Variants in DACH1 observed in about 807,000 individuals in gnomAD.
DACH1 encodes the protein dachshund homolog 1.
In DACH1, 12 loss-of-function variants were observed where a neutral mutation model predicts 54.2. That is an observed-to-expected ratio of 0.22 (90% CI 0.14 to 0.36). The LOEUF (loss-of-function observed/expected upper bound fraction) is 0.36. Ranked by LOEUF, DACH1 falls within the 10% of genes least tolerant of loss-of-function variation. DACH1 has a pLI of 1.00. For synonymous variants in DACH1, 386 were observed against 366.2 expected (o/e 1.05, Z -0.62); for missense variants, 805 against 929.8 (o/e 0.87, Z 1.75).
intron 10 of DACH1, among the ~76,000 whole-genome samples, chr13:71,444,689 C>T (rs549150126): frequency 2.6e-5 from 4 of 152,116 alleles, no homozygotes; most frequent in African/African-American, 4.8e-5. Flanking sequence ...TGGATTTATA[C>T]AAATTATCTT....
In DACH1 at chr13:71,614,848, T is replaced by C. The variant is rs1217906298; in HGVS notation, c.1126+15708A>G. The stretch of plus-strand genomic sequence containing the variant: ...CAGCCTGGGTGACAAACTAAAACTC[T>C]ATCTCAAAAAAAAAAAAAAAAAAAA... On this transcript the variant is annotated intron_variant, in intron 3 of 10. Transcript: ENST00000613252. 2.4e-3 allele frequency among the ~76,000 whole-genome samples: 276 copies of C among 116,708 alleles called. 1 individual carries two copies. The highest frequency in any genetic ancestry group is 3.6e-3 in the Non-Finnish European group (216 of 59,490). 76.6% of individuals were successfully genotyped at this position (116,708 alleles called of 152,430 possible). A position where few individuals can be genotyped will look rare whatever the true frequency, so the allele number is the denominator to read the frequency against.
chr13:71,783,759 G>A (rs1886476031), intron 1 of DACH1, among the ~76,000 whole-genome samples: 1 of 151,594 alleles, frequency 6.6e-6, no homozygotes, highest in Admixed American at 6.6e-5. Flanking sequence ...GTTTCACAGA[G>A]AAAGTGTCAC....
At chr13:71,756,026 C>CT (rs962031384) in intron 1 of DACH1, among the ~76,000 whole-genome samples, 10 of 151,428 alleles carry the variant, frequency 6.6e-5, no homozygotes, top group Admixed American at 2.0e-4. Flanking sequence ...AAACTAAAGA[C>CT]TTTTTTATTT....
At chr13:71,606,046 T>A (rs1171893140) in intron 3 of DACH1, among the ~76,000 whole-genome samples, 1 of 152,054 alleles carries the variant, frequency 6.6e-6, no homozygotes, top group Non-Finnish European at 1.5e-5. Context: ...GTGTTTCAAA[T>A]TGGCACTCAC....
In DACH1 at chr13:71,557,038, A is replaced by G. The variant is rs191401952; in HGVS notation, c.1556T>C (p.Met519Thr). 23 of 1,599,754 alleles carry G rather than the reference A, an allele frequency of 1.4e-5. No individual in the cohort carries two copies. The highest frequency in any genetic ancestry group is 4.5e-5 in the East Asian group (2 of 43,970). ...TCATACATTACCTTTTTCAATATGCATCCTTTTTGACTCATGTCCCATGTC... is the reference window on the plus strand; with the variant it reads ...TCATACATTACCTTTTTCAATATGCGTCCTTTTTGACTCATGTCCCATGTC... ...GHDMGHESKR[M>T]HIEKDETPLS... The change falls in exon 6 of 11, where the codon ATG becomes ACG. Residue 519 changes from methionine to threonine, a missense_variant. Physicochemically the swap from Met to Thr is moderately conservative, Grantham distance 81. Coordinates refer to ENST00000613252, the MANE Select transcript of DACH1 (RefSeq NM_080759.6).
chr13:71,442,736 A>T (rs1160706959), intron 10 of DACH1, among the ~76,000 whole-genome samples: 1 of 152,144 alleles, frequency 6.6e-6, no homozygotes, highest in South Asian at 2.1e-4. Context: ...TAATTTATAA[A>T]TTAGGCACAG....
At chr13:71,765,264 T>C (rs1885572059) in intron 1 of DACH1, among the ~76,000 whole-genome samples, 1 of 152,220 alleles carries the variant, frequency 6.6e-6, no homozygotes, top group South Asian at 2.1e-4. Context: ...ACCTGTTCCA[T>C]CTATCCTTGC....
chr13:71,799,935 T>A (rs1887222550), intron 1 of DACH1, among the ~76,000 whole-genome samples: 2 of 152,080 alleles, frequency 1.3e-5, no homozygotes, highest in African/African-American at 4.8e-5. Context: ...TAGTGATCAG[T>A]TTATGGATAC....
chr13:71,750,619 T>C (rs753646507), intron 1 of DACH1, among the ~76,000 whole-genome samples: 3 of 152,214 alleles, frequency 2.0e-5, no homozygotes, highest in Non-Finnish European at 4.4e-5. Context: ...AATGAAAGTG[T>C]TGTTTAATTT....
intron 1 of DACH1, among the ~76,000 whole-genome samples, chr13:71,742,024 T>C (rs765445880): frequency 6.6e-6 from 1 of 152,174 alleles, no homozygotes; most frequent in East Asian, 1.9e-4. Context: ...GGGGAGGTAA[T>C]TGAATCATGG....
intron 1 of DACH1, among the ~76,000 whole-genome samples, chr13:71,744,501 T>C (rs1884527051): frequency 1.3e-5 from 2 of 152,146 alleles, no homozygotes; most frequent in Non-Finnish European, 2.9e-5. Context: ...TTCTGAAGAA[T>C]TGTGATGCAG....
intron 3 of DACH1, among the ~76,000 whole-genome samples, chr13:71,599,894 T>C (rs1317181178): frequency 6.6e-6 from 1 of 151,618 alleles, no homozygotes; most frequent in Non-Finnish European, 1.5e-5. Context: ...AGATATAATG[T>C]GAGATGCCTC....
chr13:71,460,152 C>G (rs1875946992), intron 10 of DACH1, among the ~76,000 whole-genome samples: 1 of 152,006 alleles, frequency 6.6e-6, no homozygotes, highest in South Asian at 2.1e-4. Flanking sequence ...ACCTACCAAA[C>G]TAAATATTTA....
chr13:71,778,095 T>TAAAC (rs201136324), intron 1 of DACH1, among the ~76,000 whole-genome samples: 92 of 35,206 alleles, frequency 2.6e-3, no homozygotes, highest in Middle Eastern at 0.015. Context: ...CTGTCTACAA[T>TAAAC]AAATAAATAA....
intron 1 of DACH1, among the ~76,000 whole-genome samples, chr13:71,860,732 G>A (rs186452245): frequency 5.3e-5 from 8 of 151,888 alleles, no homozygotes; most frequent in Admixed American, 6.6e-5. Flanking sequence ...CAATGCAATC[G>A]AAATGACTAT....
intron 10 of DACH1, among the ~76,000 whole-genome samples, chr13:71,465,413 TAA>T (rs1280921194): frequency 6.6e-6 from 1 of 152,096 alleles, no homozygotes; most frequent in African/African-American, 2.4e-5. Context: ...TGCTCTATCT[TAA>T]AGAAGCCACT....
At chr13:71,769,416 C>G (rs3966836) in intron 1 of DACH1, among the ~76,000 whole-genome samples, 3 of 151,746 alleles carry the variant, frequency 2.0e-5, no homozygotes, top group East Asian at 1.9e-4. Context: ...ATAGAAACAC[C>G]TGTGGAACTT....
chr13:71,750,197 T>A (rs1298136706), intron 1 of DACH1, among the ~76,000 whole-genome samples: 1 of 152,182 alleles, frequency 6.6e-6, no homozygotes, highest in Non-Finnish European at 1.5e-5. Flanking sequence ...TACTTTAACA[T>A]CATCTCCTCT....
intron 1 of DACH1, among the ~76,000 whole-genome samples, chr13:71,709,656 C>T (rs1283409217): frequency 6.6e-6 from 1 of 152,150 alleles, no homozygotes; most frequent in Non-Finnish European, 1.5e-5. Flanking sequence ...ATTTCATTAT[C>T]AGTCATTGCT....
Sources: gnomAD v4.1 joint callset for allele counts (sites outside exome capture counted in the v4.1 genomes callset) on GRCh38, gnomAD v4.1.1 for gene constraint, MANE v1.5 for transcripts, NCBI Gene and HGNC (gene_info 2026-07-23, HGNC 2026-07-21) for gene names.